Variants in MESD observed in about 807,000 individuals in gnomAD.
The protein encoded by MESD is mesoderm development LRP chaperone.
In MESD, 7 loss-of-function variants were observed where a neutral mutation model predicts 12.9. The observed-to-expected ratio is 0.54, with a 90% CI of 0.31 to 1.02. MESD has a LOEUF of 1.02. MESD is among the 50% of genes least tolerant of loss of function. MESD has a pLI of 0.05. For synonymous variants in MESD, 126 were observed against 115.6 expected (o/e 1.09, Z -0.58); for missense variants, 342 against 296.7 (o/e 1.15, Z -1.12).
chr15:80,961,180 C>T (rs991409797), intron 3 of MESD, among the ~76,000 whole-genome samples: 3 of 151,904 alleles, frequency 2.0e-5, no homozygotes, highest in African/African-American at 7.3e-5. Context: ...GCAAACAATC[C>T]TGCCATTAAA....
At chr15:80,948,834 G>A (rs1901686095) in exon 5 of MESD, 2 of 1,614,094 alleles carry the variant, frequency 1.2e-6, no homozygotes, top group Non-Finnish European at 1.7e-6. Context: ...GCAGCTTCCG[G>A]CCCATCTGGG....
chr15:80,954,214 T>C (rs1204646751), intron 3 of MESD, among the ~76,000 whole-genome samples: 1 of 152,170 alleles, frequency 6.6e-6, no homozygotes, highest in Non-Finnish European at 1.5e-5. Flanking sequence ...AGTGCCTTGA[T>C]ATTGCGCCCC....
intron 4 of MESD, chr15:80,951,309 A>T (rs1245728835): frequency 6.6e-6 from 1 of 152,640 alleles, no homozygotes; most frequent in African/African-American, 2.4e-5. Flanking sequence ...ACAGTACAGG[A>T]TCTGTACATA....
At chr15:80,960,919 G>C (rs116803625) in intron 3 of MESD, among the ~76,000 whole-genome samples, 1 of 152,126 alleles carries the variant, frequency 6.6e-6, no homozygotes, top group Non-Finnish European at 1.5e-5. Context: ...GTCAACAGAT[G>C]GAAGGGAGGA....
intron 3 of MESD, among the ~76,000 whole-genome samples, chr15:80,954,826 ATAT>A (rs1241512088): frequency 6.6e-6 from 1 of 152,234 alleles, no homozygotes; most frequent in African/African-American, 2.4e-5. Flanking sequence ...CTTTCTTAAA[ATAT>A]TATGAGTTTT....
downstream of MESD, chr15:80,947,119 C>A: frequency 3.5e-6 from 4 of 1,156,762 alleles, no homozygotes; most frequent in South Asian, 1.2e-5. Flanking sequence ...AAGGCAAATG[C>A]CTGGCATGGA....
Position 80,989,667 on chromosome 15 carries a change from T to C in MESD, c.125A>G (p.Asp42Gly). ...CTTCCGGGGAGGTGGGGTAGACTCG[T>C]CGGGCGTCCCGGGCGAGCCTTCGGC... ...CAAEGSPGTP[D>G]ESTPPPRKKK... Residue 42 changes from aspartate (D) to glycine (G), a missense_variant, in exon 1 of 3, where the codon GAC becomes GGC. Coordinates refer to ENST00000261758, the MANE Select transcript of MESD (RefSeq NM_015154.3). The C allele has an allele frequency of 6.2e-7, 1 of 1,613,546 alleles. No homozygotes were observed. The highest frequency in any genetic ancestry group is 8.5e-7 in the Non-Finnish European group (1 of 1,179,988).
rs1314040540 is a variant in MESD, at chr15:80,977,637, T to C, written c.*1582A>G. On this transcript the variant is annotated 3_prime_UTR_variant, in exon 3 of 3. Transcript: ENST00000261758. ...GGACAGTAACCCCATCAAACTGCCC[T>C]GAGTACAACAGAAAAAGCCCACAGA... 1 of 152,188 alleles carries C rather than the reference T, an allele frequency of 6.6e-6. No individual in the cohort carries two copies. Among genetic ancestry groups the C allele is most frequent in the Non-Finnish European group, 1.5e-5 (1 of 68,028 alleles). The allele number at this position is 152,188 out of a possible 1,614,324, so 9.4% of individuals were successfully genotyped here.
Position 80,978,971 on chromosome 15 carries a change from G to T in MESD, c.*248C>A, listed in dbSNP as rs1432589753. 3 of 542,624 alleles carry T rather than the reference G, an allele frequency of 5.5e-6. No individual in the cohort carries two copies. Among genetic ancestry groups the T allele is most frequent in the Non-Finnish European group, 9.6e-6 (3 of 311,242 alleles). The allele number at this position is 542,624 out of a possible 1,614,324, so 33.6% of individuals were successfully genotyped here. ...AAAAGCAACACAGTCACATTTCCAT[G>T]TAAGGAGATTTTATAGTAAACATGA... is the stretch of plus-strand genomic sequence containing the variant. On this transcript the variant is annotated 3_prime_UTR_variant, in exon 3 of 3. Coordinates refer to ENST00000261758, the MANE Select transcript of MESD (RefSeq NM_015154.3).
chr15:80,982,122 C>T lies in MESD; in HGVS notation c.274G>A (p.Asp92Asn), dbSNP rs1221874594. 3.2e-5 allele frequency: 51 copies of T among 1,613,912 alleles called. No individual in the cohort carries two copies. The highest frequency in any genetic ancestry group is 6.7e-5 in the African/African-American group (5 of 74,866). Residue 92 changes from aspartate (D) to asparagine (N), a missense_variant, in exon 2 of 3, where the codon GAC becomes AAC. By Grantham distance (23) the Asp-to-Asn change is conservative. Transcript: ENST00000261758. ...PEHKRPSAPV[D>N]FSKIDPSKPE... ...TTGCTTGGGTCTATCTTTGAGAAGTCGACAGGTGCTGAAGGTCTCTTGTGC... is the reference window on the plus strand; with the variant it reads ...TTGCTTGGGTCTATCTTTGAGAAGTTGACAGGTGCTGAAGGTCTCTTGTGC...
intron 1 of MESD, among the ~76,000 whole-genome samples, chr15:80,985,521 G>GT: frequency 6.6e-6 from 1 of 151,746 alleles, no homozygotes; most frequent in Non-Finnish European, 1.5e-5. Context: ...CATAACATCG[G>GT]TTATAGTCTC....
intron 4 of MESD, chr15:80,951,638 TAAAG>T (rs918791272): frequency 2.6e-5 from 4 of 152,606 alleles, no homozygotes; most frequent in African/African-American, 9.6e-5. Context: ...GTCAGAGAAA[TAAAG>T]AATTGTCTTA....
chr15:80,981,117 C>A (rs912487276), intron 2 of MESD, among the ~76,000 whole-genome samples: 1 of 151,710 alleles, frequency 6.6e-6, no homozygotes, highest in African/African-American at 2.4e-5. Flanking sequence ...AGTCACTGCA[C>A]CCGGCAACGC....
intron 1 of MESD, among the ~76,000 whole-genome samples, chr15:80,987,777 CT>C: frequency 6.6e-6 from 1 of 152,126 alleles, no homozygotes; most frequent in East Asian, 1.9e-4. Flanking sequence ...GCGTGAGCCA[CT>C]GCGCCCAGCC....
At chr15:80,947,326 T>C (rs938097413), downstream of MESD, 10 of 466,480 alleles carry the variant, frequency 2.1e-5, no homozygotes, top group Admixed American at 1.4e-4. Flanking sequence ...TGTTGACTCA[T>C]TTGCTTGGAA....
At chr15:80,980,757 G>T (rs1296611899) in intron 2 of MESD, among the ~76,000 whole-genome samples, 1 of 151,904 alleles carries the variant, frequency 6.6e-6, no homozygotes, top group Admixed American at 6.6e-5. Context: ...GCAACATAGT[G>T]AGACCTCGCC....
chr15:80,949,233 G>A (rs1901712476), intron 4 of MESD: 3 of 425,384 alleles, frequency 7.1e-6, no homozygotes, highest in Non-Finnish European at 8.8e-6. Context: ...CATATCAGGA[G>A]ACCTGGGTTG....
intron 3 of MESD, among the ~76,000 whole-genome samples, chr15:80,959,540 G>C (rs1902048739): frequency 6.6e-6 from 1 of 152,196 alleles, no homozygotes; most frequent in Non-Finnish European, 1.5e-5. Flanking sequence ...GTCTTGCTCA[G>C]ATCAAAGTTG....
intron 3 of MESD, among the ~76,000 whole-genome samples, chr15:80,969,020 C>T (rs1236509402): frequency 6.6e-6 from 1 of 152,128 alleles, no homozygotes; most frequent in Non-Finnish European, 1.5e-5. Flanking sequence ...GAGACCCTGT[C>T]TCTACAAAAA....
Sources: gnomAD v4.1 joint callset for allele counts (sites outside exome capture counted in the v4.1 genomes callset) on GRCh38, gnomAD v4.1.1 for gene constraint, MANE v1.5 for transcripts, NCBI Gene and HGNC (gene_info 2026-07-23, HGNC 2026-07-21) for gene names.